Variants in DNAH11 observed in about 807,000 individuals in gnomAD.
DNAH11 encodes dynein axonemal heavy chain 11.
In DNAH11, 442 loss-of-function variants were observed where a neutral mutation model predicts 526.0. The observed-to-expected ratio is 0.84, with a 90% CI of 0.78 to 0.91. DNAH11 has a LOEUF of 0.91. Ranked by LOEUF, DNAH11 falls within the 40% of genes least tolerant of loss-of-function variation. DNAH11 has a pLI of 0.00. For missense variants in DNAH11, 6,989 were observed against 5,448.7 expected, an observed-to-expected ratio of 1.28 and a Z score of -8.90; for synonymous variants, 2,461 against 1,935.9, an observed-to-expected ratio of 1.27 and a Z score of -7.12.
At chr7:21,819,910 G>C (rs576262588) in intron 65 of DNAH11, among the ~76,000 whole-genome samples, 1 of 152,230 alleles carries the variant, frequency 6.6e-6, no homozygotes, top group South Asian at 2.1e-4. Flanking sequence ...TTGATGAATT[G>C]ATCATATCAT....
intron 27 of DNAH11, 57 bp from the exon 28 acceptor site, chr7:21,638,882 G>A (rs1000530960): frequency 2.7e-5 from 42 of 1,548,222 alleles, no homozygotes; most frequent in East Asian, 1.1e-4. Context: ...TTGTTTTGCC[G>A]AAGTTTTAAT....
In DNAH11 at chr7:21,711,732, T is replaced by C. The variant is rs1784471077; in HGVS notation, c.6855T>C (p.Asn2285=). ...TCCAGGTGCTGACCCTCGCCAGCAATGAGCGCATTGCACTCACTCCCTTCA... is the reference window on the plus strand; with the variant it reads ...TCCAGGTGCTGACCCTCGCCAGCAACGAGCGCATTGCACTCACTCCCTTCA... ...DDNKVLTLAS[N]ERIALTPFMR... The change falls in exon 42 of 82, where the codon AAT becomes AAC. Residue 2285 remains asparagine, a synonymous_variant. Transcript: ENST00000409508. 8 of 1,613,638 alleles carry C rather than the reference T, an allele frequency of 5.0e-6. No individual in the cohort carries two copies. The African/African-American group carries it at 6.7e-5, about 13-fold the overall frequency.
intron 12 of DNAH11, among the ~76,000 whole-genome samples, chr7:21,590,301 A>T (rs1362055319): frequency 6.6e-6 from 1 of 152,232 alleles, no homozygotes; most frequent in East Asian, 1.9e-4. Context: ...GATATGAGAC[A>T]TAAAATAAGC....
chr7:21,543,304 G>C lies in DNAH11; in HGVS notation c.59G>C (p.Arg20Pro). 1 of 1,549,178 alleles carries C rather than the reference G, an allele frequency of 6.5e-7. No individual in the cohort carries two copies. Among genetic ancestry groups the C allele is most frequent in the East Asian group, 2.4e-5 (1 of 40,858 alleles). Reference sequence around the variant, plus strand: ...GACTTCAGAGAAGCCCCGACCCTTCGCCTAACCTCGGGGGCCGGCCTGGAG... The same window carrying C: ...GACTTCAGAGAAGCCCCGACCCTTCCCCTAACCTCGGGGGCCGGCCTGGAG... ...ARDFREAPTLRLTSGAGLEAV... is the reference protein window; with the variant it reads ...ARDFREAPTLPLTSGAGLEAV... The change falls in exon 1 of 82, where the codon CGC (arginine) becomes CCC (proline). Residue 20 changes from arginine to proline, a missense_variant. By Grantham distance (103) the Arg-to-Pro change is moderately radical (BLOSUM62 -2). Coordinates refer to ENST00000409508, the MANE Select transcript of DNAH11 (RefSeq NM_001277115.2).
In DNAH11 at chr7:21,779,070, G is replaced by T; in HGVS notation, c.9449G>T (p.Arg3150Leu). Residue 3150 changes from arginine to leucine, a missense_variant, in exon 57 of 82, where the codon CGG becomes CTG. Arg to Leu is a moderately radical substitution (Grantham distance 102). Coordinates refer to ENST00000409508, the MANE Select transcript of DNAH11 (RefSeq NM_001277115.2). ...GGCCTTCAGACGGAGAAAGTGAGCC[G>T]GGAAAAGACCATCGCTGATGCTGAG... is the stretch of plus-strand genomic sequence containing the variant. ...KIGLQTEKVS[R>L]EKTIADAEER... 6.2e-7 allele frequency: 1 copy of T among 1,613,202 alleles called. No individual in the cohort carries two copies. Among genetic ancestry groups the T allele is most frequent in the Non-Finnish European group, 8.5e-7 (1 of 1,179,422 alleles).
chr7:21,866,868 C>G (rs1021805106), intron 71 of DNAH11, among the ~76,000 whole-genome samples: 3 of 152,022 alleles, frequency 2.0e-5, no homozygotes, highest in African/African-American at 7.2e-5. Flanking sequence ...ACATTCTTCC[C>G]AAAAAAGCTT....
rs1374375239 is a variant in DNAH11 at position 21,655,836 on chromosome 7, C to G, written c.4949C>G (p.Thr1650Arg). ...LSKGAQPKQV[T>R]CHLAKLFDSI... is the part of the protein sequence containing the mutation. ...TTTCTAATATTCTCATTTTAGGTAA[C>G]ATGTCACCTTGCCAAACTTTTCGAC... Residue 1650 changes from threonine (T) to arginine (R), a missense_variant, in exon 29 of 82, where the codon ACA becomes AGA. By Grantham distance (71) the Thr-to-Arg change is moderately conservative. Coordinates refer to ENST00000409508, the MANE Select transcript of DNAH11 (RefSeq NM_001277115.2). 5 of 1,612,292 alleles carry G rather than the reference C, an allele frequency of 3.1e-6. No homozygotes were observed. The highest frequency in any genetic ancestry group is 4.2e-6 in the Non-Finnish European group (5 of 1,179,100).
intron 65 of DNAH11, among the ~76,000 whole-genome samples, chr7:21,837,944 C>T (rs1004253606): frequency 6.6e-6 from 1 of 152,002 alleles, no homozygotes; most frequent in Non-Finnish European, 1.5e-5. Context: ...CATGGGGCCC[C>T]ATAAATATGT....
At chr7:21,707,877 T>C in intron 40 of DNAH11, 42 bp downstream of exon 40, 1 of 1,524,040 alleles carries the variant, frequency 6.6e-7, no homozygotes, top group Non-Finnish European at 8.8e-7. Context: ...TTTTTTTCTA[T>C]CCAGAAAGCC....
intron 64 of DNAH11, among the ~76,000 whole-genome samples, chr7:21,817,217 C>G (rs755647816): frequency 8.5e-5 from 13 of 152,060 alleles, no homozygotes; most frequent in Non-Finnish European, 1.8e-4. Context: ...ATTTCTGTTA[C>G]TGAGTCATCA....
intron 30 of DNAH11, among the ~76,000 whole-genome samples, chr7:21,678,892 G>C (rs1333450410): frequency 6.6e-6 from 1 of 152,090 alleles, no homozygotes; most frequent in Non-Finnish European, 1.5e-5. Flanking sequence ...ATAGGTAAAG[G>C]AAATAAAATC....
intron 54 of DNAH11, among the ~76,000 whole-genome samples, chr7:21,763,142 C>G (rs2390554): frequency 0.34 from 52,235 of 151,588 alleles, 9,393 homozygotes; most frequent in Admixed American, 0.47. Context: ...AGGAGTTTGA[C>G]ACCAGCCTGG....
At chr7:21,836,837 A>G (rs1277573594) in intron 65 of DNAH11, among the ~76,000 whole-genome samples, 1 of 152,056 alleles carries the variant, frequency 6.6e-6, no homozygotes. Flanking sequence ...TATGTTCAAA[A>G]TATGCCTCTG....
chr7:21,630,865 T>C (rs1786570705), intron 25 of DNAH11, among the ~76,000 whole-genome samples: 1 of 152,242 alleles, frequency 6.6e-6, no homozygotes, highest in Non-Finnish European at 1.5e-5. Context: ...TATATCTCTC[T>C]CAGGCTTTCA....
Position 21,616,271 on chromosome 7 carries a change from A to G in DNAH11, c.4074A>G (p.Val1358=), listed in dbSNP as rs1394751819. Residue 1358 remains valine (V), a synonymous_variant, in exon 22 of 82, where the codon GTA becomes GTG. Transcript: ENST00000409508. The part of the protein sequence containing the change: ...WRQIHVEQMD[V]ELRRFAKEIW... ...AGATTCATGTGGAACAGATGGATGT[A>G]GAACTCAGAAGGTTTGCCAAGGCGA... 2 of 1,612,998 alleles carry G rather than the reference A, an allele frequency of 1.2e-6. No homozygotes were observed. Among genetic ancestry groups the G allele is most frequent in the Non-Finnish European group, 1.7e-6 (2 of 1,179,348 alleles).
At chr7:21,773,583 A>G (rs992310514) in intron 55 of DNAH11, among the ~76,000 whole-genome samples, 183 bp from the exon 56 acceptor site, 23 of 152,164 alleles carry the variant, frequency 1.5e-4, no homozygotes, top group African/African-American at 5.5e-4. Flanking sequence ...CTCAAGCTGA[A>G]TGCTTTATTG....
chr7:21,726,408 C>A (rs1394258955), intron 45 of DNAH11, among the ~76,000 whole-genome samples: 1 of 152,048 alleles, frequency 6.6e-6, no homozygotes, highest in Non-Finnish European at 1.5e-5. Flanking sequence ...GGTCATAGAT[C>A]CAAACCATAT....
intron 30 of DNAH11, among the ~76,000 whole-genome samples, chr7:21,677,583 C>T (rs1162328887): frequency 6.6e-6 from 1 of 152,172 alleles, no homozygotes. Flanking sequence ...TGGGGTTTCA[C>T]CCCATTGGCC....
chr7:21,877,606 T>C (rs1338931974), intron 74 of DNAH11, among the ~76,000 whole-genome samples: 1 of 151,646 alleles, frequency 6.6e-6, no homozygotes, highest in Non-Finnish European at 1.5e-5. Flanking sequence ...CTAGGCACGG[T>C]GGCTCACGCC....
Sources: gnomAD v4.1 joint callset for allele counts (sites outside exome capture counted in the v4.1 genomes callset) on GRCh38, gnomAD v4.1.1 for gene constraint, MANE v1.5 for transcripts, NCBI Gene and HGNC (gene_info 2026-07-23, HGNC 2026-07-21) for gene names.